The following ARNT2 variants were observed in gnomAD, a reference collection of about 807,000 sequenced individuals.
The protein encoded by ARNT2 is ARNT protein 2.
In ARNT2, 36 loss-of-function variants were observed where a neutral mutation model predicts 91.7. The ratio of observed to expected loss-of-function variants is 0.39; its 90% confidence interval spans 0.30 to 0.52. The LOEUF (loss-of-function observed/expected upper bound fraction) is 0.52. ARNT2 is among the 20% of genes least tolerant of loss of function. The probability of loss-of-function intolerance (pLI) is 0.72; values close to 1 mark genes in which losing one functional copy is unlikely to be tolerated. For synonymous variants in ARNT2, 365 were observed against 347.1 expected (o/e 1.05, Z -0.57); for missense variants, 775 against 939.3 (o/e 0.83, Z 2.29).
intron 3 of ARNT2, among the ~76,000 whole-genome samples, chr15:80,461,446 G>A (rs904096397): frequency 5.3e-5 from 8 of 152,230 alleles, no homozygotes; most frequent in Admixed American, 2.0e-4. Flanking sequence ...GGCCGGGGAC[G>A]GGAAGTAGCA....
chr15:80,497,844 A>G (rs1340550249), intron 5 of ARNT2, among the ~76,000 whole-genome samples: 2 of 152,244 alleles, frequency 1.3e-5, no homozygotes, highest in African/African-American at 2.4e-5. Flanking sequence ...TCAGCAAGTG[A>G]GGAAGAAAGG....
chr15:80,517,004 G>C (rs1897446801), intron 8 of ARNT2, among the ~76,000 whole-genome samples: 1 of 150,986 alleles, frequency 6.6e-6, no homozygotes, highest in Non-Finnish European at 1.5e-5. Flanking sequence ...CATTGTTACT[G>C]TTATTGCTTT....
intron 11 of ARNT2, among the ~76,000 whole-genome samples, chr15:80,557,527 GA>G (rs1212511362): frequency 2.0e-5 from 3 of 152,114 alleles, no homozygotes; most frequent in African/African-American, 7.2e-5. Context: ...CCTGGGTGAT[GA>G]AATAATCTGC....
intron 11 of ARNT2, among the ~76,000 whole-genome samples, chr15:80,560,638 CTCAGA>C (rs929851975): frequency 2.0e-5 from 3 of 152,224 alleles, no homozygotes; most frequent in African/African-American, 7.2e-5. Flanking sequence ...CCTGTGCTTC[CTCAGA>C]GTGCAGAAGA....
chr15:80,468,437 C>G (rs1408054043), intron 3 of ARNT2, among the ~76,000 whole-genome samples: 1 of 152,166 alleles, frequency 6.6e-6, no homozygotes, highest in Non-Finnish European at 1.5e-5. Flanking sequence ...CCCTCTACTC[C>G]AGGGCCCATC....
chr15:80,533,581 G>A (rs1285161155), intron 8 of ARNT2, among the ~76,000 whole-genome samples: 1 of 152,236 alleles, frequency 6.6e-6, no homozygotes, highest in Non-Finnish European at 1.5e-5. Context: ...TCAGCTTCTA[G>A]AAGTGAGACA....
chr15:80,518,418 C>G (rs1324562375), intron 8 of ARNT2, among the ~76,000 whole-genome samples: 1 of 151,146 alleles, frequency 6.6e-6, no homozygotes, highest in Admixed American at 6.6e-5. Context: ...GTAGCTGGGA[C>G]TACAGGTGTG....
chr15:80,510,644 C>T (rs1897328612), intron 6 of ARNT2, among the ~76,000 whole-genome samples: 1 of 152,008 alleles, frequency 6.6e-6, no homozygotes, highest in African/African-American at 2.4e-5. Flanking sequence ...TCCTGGCCAA[C>T]ATGGTGAAAC....
Position 80,596,811 on chromosome 15 carries a change from C to G in ARNT2, c.*3113C>G. 1 of 271,480 alleles carries G rather than the reference C, an allele frequency of 3.7e-6. No homozygotes were observed. Among genetic ancestry groups the G allele is most frequent in the South Asian group, 3.9e-5 (1 of 25,374 alleles). The allele number at this position is 271,480 out of a possible 1,614,324, so 16.8% of individuals were successfully genotyped here. ...AGGTCTGTACAGTGACAACCCGGGCCGGCAGCAAGGACACAGATGCAGCCA... is the reference window on the plus strand; with the variant it reads ...AGGTCTGTACAGTGACAACCCGGGCGGGCAGCAAGGACACAGATGCAGCCA... On this transcript the variant is annotated 3_prime_UTR_variant, in exon 19 of 19. Coordinates refer to ENST00000303329, the MANE Select transcript of ARNT2 (RefSeq NM_014862.4).
chr15:80,456,893 TC>T (rs1896489323), intron 2 of ARNT2, among the ~76,000 whole-genome samples: 1 of 151,216 alleles, frequency 6.6e-6, no homozygotes, highest in African/African-American at 2.5e-5. Flanking sequence ...AGGCTGGCCT[TC>T]CTTCTCCTTG....
intron 9 of ARNT2, among the ~76,000 whole-genome samples, chr15:80,551,992 G>A (rs1898089352): frequency 6.6e-6 from 1 of 152,134 alleles, no homozygotes; most frequent in South Asian, 2.1e-4. Flanking sequence ...TTTGCTCAAT[G>A]TCTGGCACAC....
rs1898627255 is a variant in ARNT2, at chr15:80,574,085, G to A, written c.1317-63G>A. Reference sequence around the variant, plus strand: ...GCCTCTGAGGTATGGGAAAAGTCCTGGCTTAGCCCTATTGTCACCCCTTCT... The same window carrying A: ...GCCTCTGAGGTATGGGAAAAGTCCTAGCTTAGCCCTATTGTCACCCCTTCT... On this transcript the variant is annotated intron_variant, in intron 12 of 18. Coordinates refer to ENST00000303329, the MANE Select transcript of ARNT2 (RefSeq NM_014862.4). The A allele has an allele frequency of 2.8e-6, 4 of 1,436,022 alleles. No homozygotes were observed. In the Admixed American group the frequency reaches 5.0e-5, roughly 18 times the overall value. The allele number at this position is 1,436,022 out of a possible 1,614,324, so 89.0% of individuals were successfully genotyped here.
intron 14 of ARNT2, among the ~76,000 whole-genome samples, chr15:80,576,469 G>T (rs1371488027): frequency 6.6e-6 from 1 of 152,074 alleles, no homozygotes; most frequent in Non-Finnish European, 1.5e-5. Flanking sequence ...TGGAGACAAG[G>T]TTTCACCATG....
At chr15:80,440,306 G>A (rs564051382) in intron 1 of ARNT2, among the ~76,000 whole-genome samples, 1 of 152,276 alleles carries the variant, frequency 6.6e-6, no homozygotes, top group East Asian at 1.9e-4. Flanking sequence ...CAGGTTGAAT[G>A]GGTCACTCAT....
At chr15:80,464,677 C>T (rs189949565) in intron 3 of ARNT2, among the ~76,000 whole-genome samples, 159 of 152,332 alleles carry the variant, frequency 1.0e-3, no homozygotes, top group Non-Finnish European at 1.4e-3. Context: ...GAATATGCCT[C>T]AGTGGGCCCT....
chr15:80,513,099 A>C (rs1566990758), intron 6 of ARNT2, among the ~76,000 whole-genome samples: 1 of 152,202 alleles, frequency 6.6e-6, no homozygotes, highest in East Asian at 1.9e-4. Flanking sequence ...CTGTATTGAA[A>C]ATTAAGATAT....
chr15:80,489,381 G>A (rs933417385), intron 5 of ARNT2, among the ~76,000 whole-genome samples: 1 of 152,130 alleles, frequency 6.6e-6, no homozygotes, highest in African/African-American at 2.4e-5. Flanking sequence ...CTACTCCAAC[G>A]CAAAGCCTCC....
At chr15:80,552,306 G>T (rs1215833566) in intron 9 of ARNT2, among the ~76,000 whole-genome samples, 70 of 152,200 alleles carry the variant, frequency 4.6e-4, no homozygotes, top group Non-Finnish European at 1.8e-4. Context: ...AAGAGAAGGG[G>T]ATTAACATTT....
chr15:80,434,924 C>T (rs76523599), intron 1 of ARNT2, among the ~76,000 whole-genome samples: 5,223 of 152,182 alleles, frequency 0.034, 279 homozygotes, highest in African/African-American at 0.12. Context: ...ATGGATACAA[C>T]AGGGGAGCTG....
Sources: gnomAD v4.1 joint callset for allele counts (sites outside exome capture counted in the v4.1 genomes callset) on GRCh38, gnomAD v4.1.1 for gene constraint, MANE v1.5 for transcripts, NCBI Gene and HGNC (gene_info 2026-07-23, HGNC 2026-07-21) for gene names.